Variants in DLG2 observed in about 807,000 individuals in gnomAD.
DLG2 encodes the protein disks large homolog 2.
DLG2 carries 45 observed loss-of-function variants against 132.5 expected under a neutral mutation model. The ratio of observed to expected loss-of-function variants is 0.34; its 90% confidence interval spans 0.27 to 0.44. The LOEUF (loss-of-function observed/expected upper bound fraction) is 0.44, where lower values mean the gene tolerates loss of function less well. Ranked by LOEUF, DLG2 falls within the 20% of genes least tolerant of loss-of-function variation. DLG2 has a pLI of 1.00. For synonymous variants in DLG2, 424 were observed against 419.6 expected, an observed-to-expected ratio of 1.01 and a Z score of -0.13; for missense variants, 1,045 against 1,196.9, an observed-to-expected ratio of 0.87 and a Z score of 1.87.
intron 4 of DLG2, among the ~76,000 whole-genome samples, chr11:85,284,675 G>A (rs1205944591): frequency 6.6e-6 from 1 of 151,822 alleles, no homozygotes; most frequent in East Asian, 1.9e-4. Flanking sequence ...GTAAAAACAA[G>A]TTGATCGTAC....
chr11:83,463,150 G>T (rs184609770), intron 26 of DLG2, among the ~76,000 whole-genome samples: 1 of 152,004 alleles, frequency 6.6e-6, no homozygotes, highest in African/African-American at 2.4e-5. Flanking sequence ...TGTATTTAAC[G>T]AAGAGTAATC....
chr11:85,312,022 A>G (rs948957162), intron 3 of DLG2, among the ~76,000 whole-genome samples: 6 of 151,894 alleles, frequency 4.0e-5, no homozygotes, highest in African/African-American at 1.2e-4. Flanking sequence ...TTATCTCTAC[A>G]AGGAATGTTC....
intron 6 of DLG2, among the ~76,000 whole-genome samples, chr11:84,555,329 A>G (rs1413432121): frequency 6.6e-6 from 1 of 152,174 alleles, no homozygotes; most frequent in Non-Finnish European, 1.5e-5. Context: ...AGGTCTTGAA[A>G]AGATATTTAC....
chr11:84,845,191 G>A (rs1429164434), intron 6 of DLG2, among the ~76,000 whole-genome samples: 1 of 152,072 alleles, frequency 6.6e-6, no homozygotes, highest in East Asian at 1.9e-4. Flanking sequence ...TTGTGATTCA[G>A]ACAACTAAAT....
chr11:85,047,724 TAAA>T (rs2062482542), intron 6 of DLG2, among the ~76,000 whole-genome samples: 1 of 151,818 alleles, frequency 6.6e-6, no homozygotes, highest in Non-Finnish European at 1.5e-5. Flanking sequence ...TTAAAATAAA[TAAA>T]AAGTATCATT....
chr11:84,843,872 G>A, intron 6 of DLG2, among the ~76,000 whole-genome samples: 1 of 150,964 alleles, frequency 6.6e-6, no homozygotes. Flanking sequence ...GACTGTGTGT[G>A]TATATACTTA....
At chr11:84,648,285 T>C (rs1312512567) in intron 6 of DLG2, among the ~76,000 whole-genome samples, 2 of 152,196 alleles carry the variant, frequency 1.3e-5, no homozygotes, top group South Asian at 2.1e-4. Context: ...TTCTGATACC[T>C]TGATTACCAA....
chr11:85,127,284 A>C (rs2075243659), intron 5 of DLG2, among the ~76,000 whole-genome samples: 1 of 112,422 alleles, frequency 8.9e-6, no homozygotes, highest in Non-Finnish European at 1.7e-5. Flanking sequence ...CTCTCTCCCC[A>C]CACACCTGCC....
rs148743625 is a variant in DLG2, at chr11:84,630,300, C to A, written c.358-95569G>T. Among the ~76,000 whole-genome samples, 7 of 152,214 alleles carry A rather than the reference C, an allele frequency of 4.6e-5. No individual in the cohort carries two copies. In the East Asian group the frequency reaches 1.4e-3, roughly 29 times the overall value. On this transcript the variant is annotated intron_variant, in intron 6 of 27. Coordinates refer to ENST00000376104, the MANE Select transcript of DLG2 (RefSeq NM_001142699.3). The stretch of plus-strand genomic sequence containing the variant: ...AGGGGCAACAGAATCTTGTAGAAAC[C>A]ATTTGGGACATTTCTCCACCCCTGT...
intron 6 of DLG2, among the ~76,000 whole-genome samples, chr11:85,027,956 G>T (rs1181690738): frequency 6.6e-6 from 1 of 152,202 alleles, no homozygotes; most frequent in African/African-American, 2.4e-5. Context: ...CCATTTGGCA[G>T]GTCCTAAGTT....
intron 18 of DLG2, among the ~76,000 whole-genome samples, chr11:83,682,923 C>A (rs920354856): frequency 1.3e-5 from 2 of 152,124 alleles, no homozygotes; most frequent in African/African-American, 4.8e-5. Flanking sequence ...TTGCCCAGGT[C>A]ACACAAAGTG....
At chr11:83,635,541 A>G (rs1008460474) in intron 18 of DLG2, among the ~76,000 whole-genome samples, 1 of 152,064 alleles carries the variant, frequency 6.6e-6, no homozygotes, top group African/African-American at 2.4e-5. Context: ...CCTACAGCTT[A>G]CCCTAGTGGT....
At chr11:84,524,118 C>G (rs964458255) in intron 7 of DLG2, among the ~76,000 whole-genome samples, 3 of 152,032 alleles carry the variant, frequency 2.0e-5, no homozygotes, top group Non-Finnish European at 2.9e-5. Flanking sequence ...TAAAAAAAAA[C>G]TGCAAAAAAT....
intron 6 of DLG2, among the ~76,000 whole-genome samples, chr11:84,642,573 G>A (rs147247839): frequency 6.6e-6 from 1 of 152,218 alleles, no homozygotes; most frequent in Non-Finnish European, 1.5e-5. Flanking sequence ...CTGCCTTCCT[G>A]TTGCTTACAA....
chr11:84,156,014 A>G (rs916032942), intron 9 of DLG2, among the ~76,000 whole-genome samples: 1 of 152,218 alleles, frequency 6.6e-6, no homozygotes, highest in African/African-American at 2.4e-5. Context: ...TTTAAGACAA[A>G]TAATTAATGG....
chr11:84,502,218 C>CTCT (rs1567803567), intron 7 of DLG2, among the ~76,000 whole-genome samples: 2 of 11,680 alleles, frequency 1.7e-4, no homozygotes, highest in East Asian at 1.4e-3. Flanking sequence ...TTCCTTCCTT[C>CTCT]CTTCCTTCCT....
At chr11:83,846,354 T>C (rs1469234666) in intron 16 of DLG2, among the ~76,000 whole-genome samples, 1 of 152,228 alleles carries the variant, frequency 6.6e-6, no homozygotes, top group South Asian at 2.1e-4. Flanking sequence ...CACTTTATAC[T>C]TGGATAATGT....
At chr11:85,105,061 T>A (rs1234203223) in intron 6 of DLG2, among the ~76,000 whole-genome samples, 1 of 151,868 alleles carries the variant, frequency 6.6e-6, no homozygotes, top group Non-Finnish European at 1.5e-5. Flanking sequence ...CGTGTGCCTA[T>A]CCACTATTCC....
chr11:84,817,471 G>A (rs1489784485), intron 6 of DLG2, among the ~76,000 whole-genome samples: 2 of 152,026 alleles, frequency 1.3e-5, no homozygotes, highest in East Asian at 3.9e-4. Context: ...AAGAAAACAA[G>A]TGATACACAT....
Sources: gnomAD v4.1 joint callset for allele counts (sites outside exome capture counted in the v4.1 genomes callset) on GRCh38, gnomAD v4.1.1 for gene constraint, MANE v1.5 for transcripts, NCBI Gene and HGNC (gene_info 2026-07-23, HGNC 2026-07-21) for gene names.